Variants in POLR2F observed in about 807,000 individuals in gnomAD.
The protein encoded by POLR2F is RNA polymerase II, I and III subunit F, also known as DNA-directed RNA polymerases I, II, and III subunit RPABC2.
In POLR2F, 12 loss-of-function variants were observed where a neutral mutation model predicts 22.7. The ratio of observed to expected loss-of-function variants is 0.53; its 90% CI spans 0.34 to 0.86. The LOEUF (loss-of-function observed/expected upper bound fraction) is 0.86. Ranked by LOEUF, POLR2F falls within the 40% of genes least tolerant of loss-of-function variation. POLR2F has a pLI of 0.02. For missense variants in POLR2F, 126 were observed against 171.5 expected, an observed-to-expected ratio of 0.73 and a Z score of 1.48; for synonymous variants, 57 against 66.0, an observed-to-expected ratio of 0.86 and a Z score of 0.66.
downstream of POLR2F, among the ~76,000 whole-genome samples, chr22:38,028,618 G>A (rs2085037476): frequency 6.6e-6 from 1 of 151,874 alleles, no homozygotes; most frequent in South Asian, 2.1e-4. Context: ...GCACGTGCAT[G>A]TCTCTGGGTG....
intron 1 of POLR2F, among the ~76,000 whole-genome samples, chr22:37,996,009 A>G (rs1339875163): frequency 6.6e-6 from 1 of 152,086 alleles, no homozygotes; most frequent in East Asian, 1.9e-4. Flanking sequence ...CTCAAAAAAT[A>G]AAGAGCGAGG....
At chr22:37,973,318 G>A (rs578128512), downstream of POLR2F, 2 of 575,764 alleles carry the variant, frequency 3.5e-6, no homozygotes, top group Non-Finnish European at 6.2e-6. Context: ...GCTGGAGCCT[G>A]GATGGGGCGG....
chr22:38,015,052 C>T (rs577056257), intron 1 of POLR2F, among the ~76,000 whole-genome samples: 4 of 151,108 alleles, frequency 2.6e-5, no homozygotes, highest in Non-Finnish European at 4.4e-5. Context: ...GAGATCCACC[C>T]GCCTCAGCCT....
intron 1 of POLR2F, among the ~76,000 whole-genome samples, chr22:38,014,122 CAAAAA>C (rs918824276): frequency 1.7e-5 from 1 of 60,258 alleles, no homozygotes; most frequent in Non-Finnish European, 3.5e-5. Context: ...AACTCTGTCT[CAAAAA>C]AAAAAAAAAA....
chr22:38,012,850 G>A (rs1013713134), intron 1 of POLR2F, among the ~76,000 whole-genome samples: 3 of 152,132 alleles, frequency 2.0e-5, no homozygotes, highest in African/African-American at 4.8e-5. Flanking sequence ...CTATCATCAC[G>A]TCATTGCAGG....
At chr22:38,035,779 T>C (rs2085110186) in intron 5 of POLR2F, among the ~76,000 whole-genome samples, 1 of 152,156 alleles carries the variant, frequency 6.6e-6, no homozygotes, top group Non-Finnish European at 1.5e-5. Context: ...TGGGAGGTGC[T>C]GCCCCTTCCC....
At chr22:38,009,855 A>G (rs1424787123) in intron 1 of POLR2F, among the ~76,000 whole-genome samples, 1 of 152,150 alleles carries the variant, frequency 6.6e-6, no homozygotes, top group East Asian at 1.9e-4. Flanking sequence ...TCTGTAGTTT[A>G]TCCTTTTTAT....
chr22:37,954,017 A>C (rs2145723489), intron 1 of POLR2F, among the ~76,000 whole-genome samples: 1 of 152,360 alleles, frequency 6.6e-6, no homozygotes, highest in Middle Eastern at 3.4e-3. Context: ...TCGAGGGTCC[A>C]GAGGGGATCC....
downstream of POLR2F, among the ~76,000 whole-genome samples, chr22:38,027,723 C>T (rs1182727371): frequency 6.6e-6 from 1 of 152,176 alleles, no homozygotes; most frequent in Non-Finnish European, 1.5e-5. Flanking sequence ...GGCCTGTGAG[C>T]AGCCGGCTCC....
chr22:38,037,624 C>T (rs1284972582), intron 5 of POLR2F, among the ~76,000 whole-genome samples: 5 of 150,206 alleles, frequency 3.3e-5, no homozygotes, highest in African/African-American at 1.2e-4. Flanking sequence ...ACGGAGTCTC[C>T]CTCTGTTGCC....
At chr22:38,041,240 A>T, downstream of POLR2F, 18 of 1,254,082 alleles carry the variant, frequency 1.4e-5, no homozygotes, top group Non-Finnish European at 2.0e-5. Flanking sequence ...GATGGACCAG[A>T]TGGCGGGGGC....
At chr22:38,041,256 C>G, downstream of POLR2F, 1 of 1,233,378 alleles carries the variant, frequency 8.1e-7, no homozygotes, top group South Asian at 1.5e-5. Context: ...GGGGCAGGCA[C>G]AGGGGGAGGG....
chr22:38,031,345 CT>C (rs1330436172), downstream of POLR2F, among the ~76,000 whole-genome samples: 1 of 152,160 alleles, frequency 6.6e-6, no homozygotes, highest in Admixed American at 6.5e-5. The surrounding 1 kb of genome is among the most constrained non-coding windows in gnomAD (Gnocchi z 4.1). Context: ...CAAGGATGCC[CT>C]CGTTCCTTGG....
rs1931941465 is a variant in POLR2F at position 37,968,367 on chromosome 22, A to C, written c.*652A>C. ...CCCACTCCTCCTCAGGACTCTGCCCACACGCTGTCCTCTGTGGCCCACCTC... is the reference window on the plus strand; with the variant it reads ...CCCACTCCTCCTCAGGACTCTGCCCCCACGCTGTCCTCTGTGGCCCACCTC... On this transcript the variant is annotated 3_prime_UTR_variant, in exon 5 of 5. Coordinates refer to ENST00000442738, the MANE Select transcript of POLR2F (RefSeq NM_021974.5). 2.0e-6 allele frequency: 2 copies of C among 985,688 alleles called. No homozygotes were observed. The highest frequency in any genetic ancestry group is 3.5e-5 in the African/African-American group (2 of 57,224). 61.1% of individuals were successfully genotyped at this position (985,688 alleles called of 1,614,324 possible). A position where few individuals can be genotyped will look rare whatever the true frequency, so the allele number is the denominator to read the frequency against.
intron 1 of POLR2F, among the ~76,000 whole-genome samples, chr22:37,956,455 C>G (rs1931403088): frequency 6.7e-6 from 1 of 149,520 alleles, no homozygotes; most frequent in Non-Finnish European, 1.5e-5. Context: ...CTTGTTCTGT[C>G]ACCCATGCTG....
At chr22:38,038,085 G>T (rs180942212) in intron 5 of POLR2F, among the ~76,000 whole-genome samples, 14 of 151,390 alleles carry the variant, frequency 9.2e-5, no homozygotes, top group African/African-American at 3.4e-4. Flanking sequence ...CTGGGAGCCT[G>T]AGAGCCAGTG....
At chr22:38,024,224 T>G (rs940969412) in intron 1 of POLR2F, among the ~76,000 whole-genome samples, 13 of 152,144 alleles carry the variant, frequency 8.5e-5, no homozygotes, top group African/African-American at 3.1e-4. Flanking sequence ...TCTAGTTTAT[T>G]TCACTTAGCA....
chr22:37,965,195 C>T (rs1457616264), intron 3 of POLR2F, among the ~76,000 whole-genome samples: 2 of 151,998 alleles, frequency 1.3e-5, no homozygotes, highest in Non-Finnish European at 2.9e-5. Flanking sequence ...TTAGTAGAGA[C>T]GGGGTTTCAC....
chr22:37,976,337 G>A (rs907944611), intron 4 of POLR2F, among the ~76,000 whole-genome samples: 1 of 152,178 alleles, frequency 6.6e-6, no homozygotes, highest in Non-Finnish European at 1.5e-5. Context: ...CTGGGACTGC[G>A]GGCGCATTCC....
Sources: gnomAD v4.1 joint callset for allele counts (sites outside exome capture counted in the v4.1 genomes callset) on GRCh38, gnomAD v4.1.1 for gene constraint, Gnocchi (gnomAD v3.1) non-coding constraint, MANE v1.5 for transcripts, NCBI Gene and HGNC (gene_info 2026-07-23, HGNC 2026-07-21) for gene names.